The following SSBP2 variants were observed in gnomAD, a reference collection of about 807,000 sequenced individuals.
SSBP2 encodes the protein single stranded DNA binding protein 2, also known as single-stranded DNA-binding protein 2.
Under a neutral mutation model 61.8 loss-of-function variants are expected in SSBP2, and 17 were observed. The observed-to-expected ratio is 0.28, with a 90% CI of 0.19 to 0.41. The LOEUF (loss-of-function observed/expected upper bound fraction) is 0.41. Among genes scored for constraint, SSBP2 ranks in the 10% least tolerant of loss-of-function variants. The pLI is 1.00. For synonymous variants in SSBP2, 139 were observed against 141.3 expected (o/e 0.98, Z 0.12); for missense variants, 310 against 458.7 (o/e 0.68, Z 2.96).
At chr5:81,639,920 A>G (rs1177726342) in intron 2 of SSBP2, among the ~76,000 whole-genome samples, 1 of 152,242 alleles carries the variant, frequency 6.6e-6, no homozygotes, top group East Asian at 1.9e-4. Context: ...TAAAAAGATG[A>G]AAAAAGTTAA....
chr5:81,507,455 C>G (rs1645495350), intron 5 of SSBP2, among the ~76,000 whole-genome samples: 4 of 151,808 alleles, frequency 2.6e-5, no homozygotes. Flanking sequence ...GTAAATATAT[C>G]AAGATAAAAA....
At chr5:81,526,494 T>C (rs1052900239) in intron 4 of SSBP2, among the ~76,000 whole-genome samples, 2 of 152,038 alleles carry the variant, frequency 1.3e-5, no homozygotes, top group Non-Finnish European at 2.9e-5. Flanking sequence ...TCATTTGGTA[T>C]AGTGTTATGA....
At chr5:81,619,570 T>C (rs1280877280) in intron 3 of SSBP2, among the ~76,000 whole-genome samples, 18 of 147,618 alleles carry the variant, frequency 1.2e-4, no homozygotes, top group Admixed American at 8.8e-4. Context: ...TTCCAATCAA[T>C]AGAAAAAGAG....
intron 3 of SSBP2, among the ~76,000 whole-genome samples, chr5:81,623,140 A>G (rs188363802): frequency 2.4e-4 from 37 of 152,264 alleles, no homozygotes; most frequent in African/African-American, 8.7e-4. Flanking sequence ...AACTTCAAAG[A>G]TCTTAAAACC....
intron 4 of SSBP2, among the ~76,000 whole-genome samples, chr5:81,572,572 T>C (rs2153449768): frequency 6.6e-6 from 1 of 152,260 alleles, no homozygotes; most frequent in South Asian, 2.1e-4. Context: ...AGCAAAGGCT[T>C]TAGATGAGCC....
At chr5:81,531,918 A>T (rs980141004) in intron 4 of SSBP2, among the ~76,000 whole-genome samples, 2 of 152,132 alleles carry the variant, frequency 1.3e-5, no homozygotes, top group Non-Finnish European at 2.9e-5. Context: ...AGAAGAAAGC[A>T]GAAATGAGTT....
At chr5:81,448,745 A>G (rs201283941) in intron 11 of SSBP2, 45 bp downstream of exon 11, 3 of 1,577,918 alleles carry the variant, frequency 1.9e-6, no homozygotes, top group African/African-American at 2.7e-5. Flanking sequence ...CCCAAATAAA[A>G]TGTAACATCA....
chr5:81,605,869 A>C (rs989687210), intron 4 of SSBP2, among the ~76,000 whole-genome samples: 2 of 152,176 alleles, frequency 1.3e-5, no homozygotes, highest in Non-Finnish European at 2.9e-5. Flanking sequence ...AAATATTAGA[A>C]GAAAACCTAA....
chr5:81,709,608 A>G (rs1754633194), intron 1 of SSBP2, among the ~76,000 whole-genome samples: 1 of 151,976 alleles, frequency 6.6e-6, no homozygotes. Flanking sequence ...TGAAATACTC[A>G]TGTCTAATTT....
chr5:81,543,151 G>A (rs561086334), intron 4 of SSBP2, among the ~76,000 whole-genome samples: 17 of 152,182 alleles, frequency 1.1e-4, no homozygotes, highest in Admixed American at 8.5e-4. Context: ...CACCCTGCCC[G>A]GCCAACATGC....
At chr5:81,700,936 A>T (rs1485442412) in intron 1 of SSBP2, among the ~76,000 whole-genome samples, 2 of 152,216 alleles carry the variant, frequency 1.3e-5, no homozygotes, top group Non-Finnish European at 1.5e-5. Flanking sequence ...CGTATTGACC[A>T]TAAAGCTATT....
At chr5:81,563,988 C>CT (rs1291790405) in intron 4 of SSBP2, among the ~76,000 whole-genome samples, 1 of 152,166 alleles carries the variant, frequency 6.6e-6, no homozygotes, top group African/African-American at 2.4e-5. Flanking sequence ...TATCTAATAT[C>CT]TAATAATGGG....
rs1434598081 is a variant in SSBP2 at position 81,415,370 on chromosome 5, T to C, written c.*5134A>G. 2 of 152,202 alleles carry C rather than the reference T, an allele frequency of 1.3e-5. No homozygotes were observed. Among genetic ancestry groups the C allele is most frequent in the African/African-American group, 2.4e-5 (1 of 41,446 alleles). The allele number at this position is 152,202 out of a possible 1,614,324, so 9.4% of individuals were successfully genotyped here. A position where few individuals can be genotyped will look rare whatever the true frequency, so the allele number is the denominator to read the frequency against. Reference sequence around the variant, plus strand: ...CTTAAGTCCTTTATATAAAACGGCATAGTATAACCTATGCACATCCTCCAA... The same window carrying C: ...CTTAAGTCCTTTATATAAAACGGCACAGTATAACCTATGCACATCCTCCAA... On this transcript the variant is annotated 3_prime_UTR_variant, in exon 17 of 17. Coordinates refer to ENST00000320672, the MANE Select transcript of SSBP2 (RefSeq NM_012446.5).
chr5:81,464,723 G>A (rs987107369), intron 9 of SSBP2, among the ~76,000 whole-genome samples: 1 of 152,016 alleles, frequency 6.6e-6, no homozygotes, highest in African/African-American at 2.4e-5. Flanking sequence ...AAATATTTTT[G>A]TTACTTAAAT....
intron 5 of SSBP2, among the ~76,000 whole-genome samples, chr5:81,498,856 C>T (rs1032019765): frequency 6.6e-6 from 1 of 152,074 alleles, no homozygotes; most frequent in African/African-American, 2.4e-5. Context: ...ATCCTTATTT[C>T]AGCCATCTTT....
intron 1 of SSBP2, among the ~76,000 whole-genome samples, chr5:81,700,178 T>G (rs1212184175): frequency 1.3e-5 from 2 of 152,094 alleles, no homozygotes; most frequent in African/African-American, 4.8e-5. Context: ...GACCTGAAAG[T>G]CAAAATTACT....
chr5:81,552,946 T>C (rs1263493225), intron 4 of SSBP2, among the ~76,000 whole-genome samples: 1 of 152,094 alleles, frequency 6.6e-6, no homozygotes, highest in African/African-American at 2.4e-5. Context: ...ACATTAAAAA[T>C]AGGTCACAGC....
chr5:81,712,891 T>A (rs1754895952), intron 1 of SSBP2, among the ~76,000 whole-genome samples: 3 of 151,554 alleles, frequency 2.0e-5, no homozygotes, highest in Non-Finnish European at 2.9e-5. Context: ...GCCCAGCTAA[T>A]TTTTTTTGTA....
intron 6 of SSBP2, among the ~76,000 whole-genome samples, chr5:81,485,877 A>G (rs1766341023): frequency 6.6e-6 from 1 of 152,216 alleles, no homozygotes; most frequent in South Asian, 2.1e-4. Flanking sequence ...TTCTACTTTA[A>G]TGACTACATA....
Sources: allele counts gnomAD v4.1 joint callset (sites outside exome capture counted in the v4.1 genomes callset), GRCh38; gene constraint gnomAD v4.1.1; transcripts MANE v1.5; gene names NCBI Gene and HGNC (gene_info 2026-07-23, HGNC 2026-07-21).